The following AGMO variants were observed in gnomAD, a reference collection of about 807,000 sequenced individuals.
AGMO encodes alkylglycerol monooxygenase, also known as glyceryl-ether monooxygenase.
In AGMO, 75 loss-of-function variants were observed where a neutral mutation model predicts 60.2. The ratio of observed to expected loss-of-function variants is 1.25; its 90% CI spans 1.03 to 1.51. The LOEUF is 1.51. AGMO is among the 40% of genes most tolerant of loss of function. AGMO has a pLI of 0.00. For missense variants in AGMO, 763 were observed against 525.5 expected, an observed-to-expected ratio of 1.45 and a Z score of -4.42; for synonymous variants, 261 against 177.1, an observed-to-expected ratio of 1.47 and a Z score of -3.76.
At chr7:15,247,476 A>G (rs1355706775) in intron 12 of AGMO, among the ~76,000 whole-genome samples, 2 of 149,288 alleles carry the variant, frequency 1.3e-5, no homozygotes, top group African/African-American at 2.5e-5. Flanking sequence ...AGAGAGAGAG[A>G]GAGGGAGAGA....
chr7:15,228,022 T>A (rs1272311510), intron 12 of AGMO, among the ~76,000 whole-genome samples: 2 of 152,142 alleles, frequency 1.3e-5, no homozygotes, highest in African/African-American at 4.8e-5. Context: ...GAACTTCTAC[T>A]GGGACAGGGT....
chr7:15,416,690 C>T lies in AGMO; in HGVS notation c.609+1868G>A, dbSNP rs117198023. On this transcript the variant is annotated intron_variant, in intron 5 of 12. Transcript: ENST00000342526. ...CATATCATTTCTGTCAATGGAGATC[C>T]AAGTATGATGCCTGATATTAAACAG... is the stretch of plus-strand genomic sequence containing the variant. Among the ~76,000 whole-genome samples the T allele has an allele frequency of 8.5e-5, 13 of 152,168 alleles. No individual in the cohort carries two copies. In the East Asian group the frequency reaches 2.3e-3, roughly 27 times the overall value.
At chr7:15,340,833 A>G (rs1403422048) in intron 12 of AGMO, among the ~76,000 whole-genome samples, 1 of 152,160 alleles carries the variant, frequency 6.6e-6, no homozygotes, top group Non-Finnish European at 1.5e-5. Context: ...GCCCCCACAC[A>G]GAGTCCCCAC....
intron 10 of AGMO, among the ~76,000 whole-genome samples, chr7:15,383,993 T>C (rs748618913): frequency 6.6e-6 from 1 of 152,140 alleles, no homozygotes; most frequent in Non-Finnish European, 1.5e-5. Flanking sequence ...TGGAGTGCAG[T>C]GGCGCGATCT....
chr7:15,401,383 A>T (rs1054181594), intron 5 of AGMO, among the ~76,000 whole-genome samples: 2 of 152,132 alleles, frequency 1.3e-5, no homozygotes, highest in African/African-American at 4.8e-5. Context: ...AGATGCAATT[A>T]ACTGGTGATT....
intron 6 of AGMO, among the ~76,000 whole-genome samples, chr7:15,391,513 TAAG>T (rs1358406333): frequency 2.0e-5 from 3 of 152,162 alleles, no homozygotes; most frequent in Non-Finnish European, 4.4e-5. Context: ...TTATAAAACT[TAAG>T]TAGACATAAT....
intron 12 of AGMO, among the ~76,000 whole-genome samples, chr7:15,364,142 A>C (rs1477465107): frequency 6.6e-6 from 1 of 151,932 alleles, no homozygotes; most frequent in East Asian, 1.9e-4. Flanking sequence ...TAATGTGTAT[A>C]TATACCCCTA....
chr7:15,439,863 C>T (rs535297632), intron 3 of AGMO, among the ~76,000 whole-genome samples: 67 of 152,170 alleles, frequency 4.4e-4, no homozygotes, highest in African/African-American at 1.6e-3. Context: ...TGAACTTTAC[C>T]AGGAGCTCAT....
intron 12 of AGMO, among the ~76,000 whole-genome samples, chr7:15,210,917 G>A (rs1403531191): frequency 2.0e-5 from 3 of 152,060 alleles, no homozygotes; most frequent in Admixed American, 1.3e-4. Context: ...TTTGGATAAA[G>A]TGATACTGTT....
intron 4 of AGMO, among the ~76,000 whole-genome samples, chr7:15,430,432 A>T (rs1781197146): frequency 6.6e-6 from 1 of 151,872 alleles, no homozygotes; most frequent in African/African-American, 2.4e-5. Context: ...GGATTTCCCC[A>T]TGAGTCAAAA....
At chr7:15,477,079 G>A (rs765643449) in intron 3 of AGMO, among the ~76,000 whole-genome samples, 6 of 151,874 alleles carry the variant, frequency 4.0e-5, no homozygotes, top group Admixed American at 3.9e-4. Flanking sequence ...CTCAAATTAC[G>A]TATACACAGA....
intron 12 of AGMO, among the ~76,000 whole-genome samples, chr7:15,209,329 T>C (rs73054544): frequency 0.074 from 11,204 of 152,152 alleles, 488 homozygotes; most frequent in African/African-American, 0.11. Context: ...TTTAGTGTGC[T>C]GTTAAACAAA....
At chr7:15,546,900 G>C (rs924493663) in intron 2 of AGMO, among the ~76,000 whole-genome samples, 1 of 152,154 alleles carries the variant, frequency 6.6e-6, no homozygotes, top group Non-Finnish European at 1.5e-5. Flanking sequence ...TGTTGGAAGA[G>C]GCTGTTTGGT....
intron 3 of AGMO, among the ~76,000 whole-genome samples, chr7:15,467,791 T>A (rs755740266): frequency 6.6e-6 from 1 of 152,192 alleles, no homozygotes; most frequent in Non-Finnish European, 1.5e-5. Context: ...AATTCTATAA[T>A]TTTAAGGAAA....
the AGMO span, among the ~76,000 whole-genome samples, chr7:15,155,881 T>C: frequency 5.3e-5 from 8 of 152,210 alleles, no homozygotes; most frequent in Non-Finnish European, 1.0e-4. Context: ...TTTGCTTTGT[T>C]TCTGGATACT....
At chr7:15,497,523 T>C (rs1415607872) in intron 3 of AGMO, among the ~76,000 whole-genome samples, 1 of 152,072 alleles carries the variant, frequency 6.6e-6, no homozygotes, top group Non-Finnish European at 1.5e-5. Flanking sequence ...AGAAGTGAAA[T>C]ACAGTGTGGC....
rs537713882 is a variant in AGMO at position 15,398,628 on chromosome 7, G to A, written c.610-4449C>T. Among the ~76,000 whole-genome samples, 7 of 152,254 alleles carry A rather than the reference G, an allele frequency of 4.6e-5. No individual in the cohort carries two copies. In the South Asian group the frequency reaches 8.3e-4, roughly 18 times the overall value. On this transcript the variant is annotated intron_variant, in intron 5 of 12. Coordinates refer to ENST00000342526, the MANE Select transcript of AGMO (RefSeq NM_001004320.2). ...TTCAGGCATTTGGCAATTCGACGAC[G>A]TCTAGCTTTGAATCACTTCCTGAAA...
At chr7:15,220,385 T>C (rs1336347522) in intron 12 of AGMO, among the ~76,000 whole-genome samples, 1 of 148,812 alleles carries the variant, frequency 6.7e-6, no homozygotes, top group African/African-American at 2.6e-5. Flanking sequence ...CATTCCTGGC[T>C]AATTTTTTTT....
chr7:15,317,868 C>CACACGT (rs1563083614), intron 12 of AGMO, among the ~76,000 whole-genome samples: 2 of 143,050 alleles, frequency 1.4e-5, no homozygotes, highest in African/African-American at 5.3e-5. Flanking sequence ...CACACACACA[C>CACACGT]GTATATATAT....
Sources: gnomAD v4.1 joint callset for allele counts (sites outside exome capture counted in the v4.1 genomes callset) on GRCh38, gnomAD v4.1.1 for gene constraint, MANE v1.5 for transcripts, NCBI Gene and HGNC (gene_info 2026-07-23, HGNC 2026-07-21) for gene names.